Variants in INPP4B observed in about 807,000 individuals in gnomAD.
INPP4B encodes the protein inositol polyphosphate 4-phosphatase type II.
Under a neutral mutation model 122.5 loss-of-function variants are expected in INPP4B, and 55 were observed. That is an observed-to-expected ratio of 0.45 (90% confidence interval 0.36 to 0.56). The LOEUF (loss-of-function observed/expected upper bound fraction) is 0.56. Among genes scored for constraint, INPP4B ranks in the 20% least tolerant of loss-of-function variants. The pLI is 0.00. For missense variants in INPP4B, 1,000 were observed against 1,097.7 expected, an observed-to-expected ratio of 0.91 and a Z score of 1.26; for synonymous variants, 403 against 388.7, an observed-to-expected ratio of 1.04 and a Z score of -0.43.
intron 1 of INPP4B, among the ~76,000 whole-genome samples, chr4:142,838,038 T>TTTC: frequency 6.6e-6 from 1 of 151,974 alleles, no homozygotes; most frequent in African/African-American, 2.4e-5. Context: ...GTGGTGTTTT[T>TTTC]TTTTTTTTAA....
intron 2 of INPP4B, among the ~76,000 whole-genome samples, chr4:142,668,671 T>C (rs1756504950): frequency 6.6e-6 from 1 of 152,170 alleles, no homozygotes; most frequent in Non-Finnish European, 1.5e-5. Context: ...AAAATCTACA[T>C]ACAAAAATTA....
chr4:142,222,363 T>C (rs1442107000), intron 12 of INPP4B, among the ~76,000 whole-genome samples: 1 of 152,222 alleles, frequency 6.6e-6, no homozygotes, highest in Non-Finnish European at 1.5e-5. Flanking sequence ...ATGTAATCCA[T>C]CACCAAGTTC....
At chr4:142,395,726 A>G (rs1189733434) in intron 7 of INPP4B, among the ~76,000 whole-genome samples, 2 of 152,188 alleles carry the variant, frequency 1.3e-5, no homozygotes, top group African/African-American at 2.4e-5. Flanking sequence ...TTAGCCTTAA[A>G]AAATAGGAAA....
chr4:142,798,262 G>A (rs1364585211), intron 1 of INPP4B, among the ~76,000 whole-genome samples: 3 of 151,854 alleles, frequency 2.0e-5, no homozygotes, highest in Non-Finnish European at 4.4e-5. Context: ...TGAGCAATTA[G>A]CGGAGTACAA....
intron 1 of INPP4B, among the ~76,000 whole-genome samples, chr4:142,792,211 C>G (rs967417448): frequency 1.3e-5 from 2 of 151,872 alleles, no homozygotes; most frequent in Non-Finnish European, 2.9e-5. Context: ...AATGATGGTG[C>G]CTCCAGCCTG....
chr4:142,509,246 A>G (rs1233445163), intron 2 of INPP4B, among the ~76,000 whole-genome samples: 1 of 152,146 alleles, frequency 6.6e-6, no homozygotes, highest in Non-Finnish European at 1.5e-5. Flanking sequence ...TTTATTTTTT[A>G]AATTTAAGTT....
chr4:142,768,574 TATTATCTACCTCAGAGC>T (rs1248177948), intron 1 of INPP4B, among the ~76,000 whole-genome samples: 1 of 152,200 alleles, frequency 6.6e-6, no homozygotes, highest in African/African-American at 2.4e-5. Flanking sequence ...GCATTGACTG[TATTATCTACCTCAGAGC>T]ATTGTTGTAG....
At chr4:142,753,055 G>T (rs1769967803) in intron 1 of INPP4B, among the ~76,000 whole-genome samples, 1 of 152,070 alleles carries the variant, frequency 6.6e-6, no homozygotes, top group African/African-American at 2.4e-5. Context: ...CAAGCCTCAA[G>T]ACACATGATA....
In INPP4B at chr4:142,427,839, T is replaced by C. The variant is rs115385509; in HGVS notation, c.136+1334A>G. Among the ~76,000 whole-genome samples, 1,140 of 152,122 alleles carry C rather than the reference T, an allele frequency of 7.5e-3. 10 individuals are homozygous for C. Among genetic ancestry groups the C allele is most frequent in the African/African-American group, 0.026 (1,082 of 41,562 alleles). On this transcript the variant is annotated intron_variant, in intron 5 of 25. Coordinates refer to ENST00000262992, the MANE Select transcript of INPP4B (RefSeq NM_001101669.3). Reference sequence around the variant, plus strand: ...GATGGACAGATGAAAGCTCAAGTTGTACGAGTGAAGAGTGCCTAGCCTTTC... The same window carrying C: ...GATGGACAGATGAAAGCTCAAGTTGCACGAGTGAAGAGTGCCTAGCCTTTC...
intron 3 of INPP4B, among the ~76,000 whole-genome samples, chr4:142,432,428 T>C (rs773793913): frequency 1.3e-5 from 2 of 152,042 alleles, no homozygotes; most frequent in African/African-American, 4.8e-5. Flanking sequence ...TTTTAGAAAA[T>C]AGTATAATAA....
chr4:142,520,431 G>A (rs112282810), intron 2 of INPP4B, among the ~76,000 whole-genome samples: 1,662 of 152,010 alleles, frequency 0.011, 17 homozygotes, highest in Non-Finnish European at 0.019. Context: ...GTAGGGATGA[G>A]AGGTGTTTGC....
intron 2 of INPP4B, among the ~76,000 whole-genome samples, chr4:142,718,054 C>G (rs962087345): frequency 5.3e-5 from 8 of 151,808 alleles, no homozygotes; most frequent in African/African-American, 1.9e-4. Context: ...ATAAGTAAGT[C>G]GTATGCATAT....
At chr4:142,163,274 A>T (rs550172956) in intron 16 of INPP4B, among the ~76,000 whole-genome samples, 1 of 152,052 alleles carries the variant, frequency 6.6e-6, no homozygotes, top group South Asian at 2.1e-4. Context: ...TTCTGAGTCA[A>T]GTGATGAAAT....
chr4:142,730,684 C>A (rs1490323104), intron 1 of INPP4B, among the ~76,000 whole-genome samples: 1 of 152,164 alleles, frequency 6.6e-6, no homozygotes, highest in African/African-American at 2.4e-5. Flanking sequence ...ATATTGCCTT[C>A]TTGAGTTGTC....
intron 21 of INPP4B, among the ~76,000 whole-genome samples, chr4:142,118,667 G>A (rs1211545367): frequency 6.6e-6 from 1 of 152,206 alleles, no homozygotes; most frequent in African/African-American, 2.4e-5. Context: ...AGACTTAAAT[G>A]TCAGACCTAA....
intron 7 of INPP4B, among the ~76,000 whole-genome samples, chr4:142,371,772 C>CA (rs1393198247): frequency 6.7e-6 from 1 of 150,316 alleles, no homozygotes; most frequent in Non-Finnish European, 1.5e-5. Context: ...ATCAAAAATA[C>CA]AAAAAATAAC....
At chr4:142,189,804 C>T (rs1834930400) in intron 15 of INPP4B, among the ~76,000 whole-genome samples, 1 of 152,120 alleles carries the variant, frequency 6.6e-6, no homozygotes, top group African/African-American at 2.4e-5. Flanking sequence ...CACTGGTGGG[C>T]AAAATCATGG....
intron 23 of INPP4B, among the ~76,000 whole-genome samples, chr4:142,098,421 G>C (rs1782992711): frequency 6.6e-6 from 1 of 152,102 alleles, no homozygotes; most frequent in African/African-American, 2.4e-5. Flanking sequence ...CACATAATGA[G>C]ACTTTCATTT....
At chr4:142,694,484 T>C (rs1427846264) in intron 2 of INPP4B, among the ~76,000 whole-genome samples, 4 of 152,154 alleles carry the variant, frequency 2.6e-5, no homozygotes, top group African/African-American at 9.6e-5. Flanking sequence ...TTAAAATTAT[T>C]GATAAAGTAA....
Sources: gnomAD v4.1 joint callset for allele counts (sites outside exome capture counted in the v4.1 genomes callset) on GRCh38, gnomAD v4.1.1 for gene constraint, MANE v1.5 for transcripts, NCBI Gene and HGNC (gene_info 2026-07-23, HGNC 2026-07-21) for gene names.